TANC1: variants seen among roughly 807,000 people sequenced by gnomAD.
The protein encoded by TANC1 is tetratricopeptide repeat, ankyrin repeat and coiled-coil containing 1, also known as protein TANC1.
A neutral mutation model predicts 149.7 loss-of-function variants in TANC1; 77 were observed. The observed-to-expected ratio is 0.51, with a 90% CI of 0.43 to 0.62. The LOEUF (loss-of-function observed/expected upper bound fraction) is 0.62, where lower values mean the gene tolerates loss of function less well. Ranked by LOEUF, TANC1 falls within the 20% of genes least tolerant of loss-of-function variation. The pLI is 0.00. For missense variants in TANC1, 1,985 were observed against 2,321.8 expected, an observed-to-expected ratio of 0.85 and a Z score of 2.98; for synonymous variants, 854 against 925.0, an observed-to-expected ratio of 0.92 and a Z score of 1.39.
At chr2:159,010,739 T>TA (rs70994253) in intron 2 of TANC1, among the ~76,000 whole-genome samples, 6 of 151,480 alleles carry the variant, frequency 4.0e-5, no homozygotes, top group Non-Finnish European at 8.8e-5. Context: ...TTTTTTTTTT[T>TA]AATGAAAGCC....
rs264632 is a variant in TANC1 at position 159,094,777 on chromosome 2, G to C, written c.62-2860G>C. 2.7e-3 allele frequency among the ~76,000 whole-genome samples: 396 copies of C among 149,272 alleles called. 20 individuals carry two copies. In the South Asian group the frequency reaches 0.086, roughly 33 times the overall value. ...GTGGATGAAGCTTGTGTGTGTGTGG[G>C]GGGGGGGTGGGGGCCAGCCTGGGGG... is the stretch of plus-strand genomic sequence containing the variant. On this transcript the variant is annotated intron_variant, in intron 3 of 26. Transcript: ENST00000263635.
chr2:159,128,783 T>C (rs1057144485), intron 4 of TANC1, among the ~76,000 whole-genome samples: 5 of 152,144 alleles, frequency 3.3e-5, no homozygotes, highest in Non-Finnish European at 7.3e-5. Context: ...CACTCTTTTG[T>C]TGGGGGGGCA....
Position 159,181,498 on chromosome 2 carries a change from C to T in TANC1, c.2510+2335C>T, listed in dbSNP as rs528940373. On this transcript the variant is annotated intron_variant, in intron 14 of 26. Transcript: ENST00000263635. The stretch of plus-strand genomic sequence containing the variant: ...ATTTTTAGTAGAGACGGGGTTTCAC[C>T]GTGTTAGCCAGGATGGTCTCAATCT... Among the ~76,000 whole-genome samples, 4 of 152,258 alleles carry T rather than the reference C, an allele frequency of 2.6e-5. No homozygotes were observed. The East Asian group carries it at 5.8e-4, about 22-fold the overall frequency.
In TANC1 at chr2:159,182,361, G is replaced by A. The variant is rs556834572; in HGVS notation, c.2510+3198G>A. On this transcript the variant is annotated intron_variant, in intron 14 of 26. Coordinates refer to ENST00000263635, the MANE Select transcript of TANC1 (RefSeq NM_033394.3). ...TAAATAACTGAATATTCATCTTAGA[G>A]ATATTTTCATACTTAACCACGCTAT... Among the ~76,000 whole-genome samples, 18 of 152,036 alleles carry A rather than the reference G, an allele frequency of 1.2e-4. No individual in the cohort carries two copies. The East Asian group carries it at 3.5e-3, about 29-fold the overall frequency.
intron 4 of TANC1, among the ~76,000 whole-genome samples, chr2:159,125,585 C>CCCTCCCTT (rs1231521085): frequency 2.2e-5 from 3 of 137,880 alleles, no homozygotes; most frequent in African/African-American, 7.9e-5. Flanking sequence ...CTCCCTCCCT[C>CCCTCCCTT]CCTTCCTTCC....
At chr2:159,108,508 G>T (rs1461568813) in intron 4 of TANC1, among the ~76,000 whole-genome samples, 1 of 152,178 alleles carries the variant, frequency 6.6e-6, no homozygotes, top group East Asian at 1.9e-4. Context: ...ATGAGGGCAG[G>T]GGCCTTGGTG....
At chr2:159,173,450 C>T (rs1337733759) in intron 11 of TANC1, among the ~76,000 whole-genome samples, 2 of 152,094 alleles carry the variant, frequency 1.3e-5, no homozygotes, top group African/African-American at 4.8e-5. Flanking sequence ...ACTAAAAATA[C>T]AAAAATTAGC....
chr2:158,999,955 T>G (rs1201337728), intron 1 of TANC1, among the ~76,000 whole-genome samples: 1 of 152,152 alleles, frequency 6.6e-6, no homozygotes, highest in Non-Finnish European at 1.5e-5. Context: ...TAATTTTCCT[T>G]TCTTGAGATG....
At chr2:159,022,425 C>A (rs2038903501) in intron 2 of TANC1, among the ~76,000 whole-genome samples, 1 of 152,028 alleles carries the variant, frequency 6.6e-6, no homozygotes, top group Admixed American at 6.6e-5. Flanking sequence ...GGGTTCTATT[C>A]ATAAGAAATG....
rs1419991821 is a variant in TANC1, at chr2:159,089,285, C to T, written c.62-8352C>T. 2.6e-5 allele frequency among the ~76,000 whole-genome samples: 4 copies of T among 152,228 alleles called. No individual in the cohort carries two copies. The East Asian group carries it at 7.7e-4, about 29-fold the overall frequency. On this transcript the variant is annotated intron_variant, in intron 3 of 26. Coordinates refer to ENST00000263635, the MANE Select transcript of TANC1 (RefSeq NM_033394.3). Reference sequence around the variant, plus strand: ...TCTTCCTTTTAGTATGGTTTTTTTGCACTTGTGAGTTTTCTTACTTTGTAG... The same window carrying T: ...TCTTCCTTTTAGTATGGTTTTTTTGTACTTGTGAGTTTTCTTACTTTGTAG...
intron 2 of TANC1, among the ~76,000 whole-genome samples, chr2:159,039,338 T>C (rs1456604552): frequency 6.6e-6 from 1 of 152,206 alleles, no homozygotes; most frequent in Non-Finnish European, 1.5e-5. Flanking sequence ...GGGTTTTTTA[T>C]GTCTCTATCT....
intron 11 of TANC1, among the ~76,000 whole-genome samples, chr2:159,173,342 C>T (rs2055460407): frequency 6.6e-6 from 1 of 152,192 alleles, no homozygotes; most frequent in South Asian, 2.1e-4. Context: ...GCGGCTCATG[C>T]TTGTAATCCC....
intron 3 of TANC1, among the ~76,000 whole-genome samples, chr2:159,069,803 G>A (rs1329089402): frequency 7.2e-6 from 1 of 139,072 alleles, no homozygotes; most frequent in Non-Finnish European, 1.5e-5. Context: ...GGGTTTTGCT[G>A]AGTCACCCAG....
At chr2:159,181,046 A>G (rs34902959) in intron 14 of TANC1, among the ~76,000 whole-genome samples, 33,858 of 152,100 alleles carry the variant, frequency 0.22, 4,086 homozygotes, top group Middle Eastern at 0.29. Context: ...CCCTAATTAT[A>G]AAAGCAGAAA....
rs370313221 is a variant in TANC1, at chr2:159,163,506, C to T, written c.906C>T (p.Gly302=). ...AGDGPVPYSQ[G]SSSLIMPRPN... is the part of the protein sequence containing the mutation. ...ATGGTCCAGTCCCTTATTCTCAGGG[C>T]TCCAGCTCACTAATAATGCCACGGC... Residue 302 remains glycine, a synonymous_variant, in exon 8 of 27, where the codon GGC becomes GGT. Coordinates refer to ENST00000263635, the MANE Select transcript of TANC1 (RefSeq NM_033394.3). 6.2e-7 allele frequency: 1 copy of T among 1,613,236 alleles called. No homozygotes were observed. The highest frequency in any genetic ancestry group is 1.1e-5 in the South Asian group (1 of 91,034).
chr2:159,013,468 T>C (rs1360191073), intron 2 of TANC1, among the ~76,000 whole-genome samples: 4 of 152,240 alleles, frequency 2.6e-5, no homozygotes, highest in African/African-American at 9.6e-5. Context: ...CAGAGTTTGA[T>C]ATTTTTGTAT....
intron 3 of TANC1, among the ~76,000 whole-genome samples, chr2:159,075,421 A>AG (rs2043572334): frequency 6.6e-6 from 1 of 151,312 alleles, no homozygotes; most frequent in Non-Finnish European, 1.5e-5. Flanking sequence ...AAAAACAAAA[A>AG]AAAAACTGGC....
chr2:159,163,254 C>T (rs2054235383), intron 7 of TANC1, 29 bp from the exon 8 acceptor site: 2 of 1,602,512 alleles, frequency 1.2e-6, no homozygotes, highest in Non-Finnish European at 1.7e-6. Flanking sequence ...GCCTGGCCTC[C>T]TTCAAAGTAT....
intron 2 of TANC1, among the ~76,000 whole-genome samples, chr2:159,062,924 A>G (rs1426082106): frequency 9.0e-5 from 12 of 133,012 alleles, no homozygotes; most frequent in Admixed American, 7.0e-4. Context: ...CCGAGATTGC[A>G]CCACTGCAGT....
Sources: gnomAD v4.1 joint callset for allele counts (sites outside exome capture counted in the v4.1 genomes callset) on GRCh38, gnomAD v4.1.1 for gene constraint, MANE v1.5 for transcripts, NCBI Gene and HGNC (gene_info 2026-07-23, HGNC 2026-07-21) for gene names.